KYAT3: variants seen among roughly 807,000 people sequenced by gnomAD.
The protein encoded by KYAT3 is kynurenine aminotransferase 3, also known as kynurenine--oxoglutarate transaminase 3.
In KYAT3, 50 loss-of-function variants were observed where a neutral mutation model predicts 59.0. The observed-to-expected ratio is 0.85, with a 90% CI of 0.68 to 1.07. The LOEUF (loss-of-function observed/expected upper bound fraction) is 1.07. Ranked by LOEUF, KYAT3 falls within the 50% of genes least tolerant of loss-of-function variation. KYAT3 has a pLI of 0.00. For missense variants in KYAT3, 497 were observed against 533.3 expected (o/e 0.93, Z 0.67); for synonymous variants, 148 against 177.0 (o/e 0.84, Z 1.30).
chr1:88,960,532 A>AT (rs1482394726), intron 8 of KYAT3, among the ~76,000 whole-genome samples: 1 of 152,208 alleles, frequency 6.6e-6, no homozygotes, highest in East Asian at 1.9e-4. Flanking sequence ...TGTGATGGTC[A>AT]TGAAAACTGA....
At chr1:88,968,646 C>G (rs1445012674) in intron 4 of KYAT3, 24 bp downstream of exon 4, 1 of 1,526,030 alleles carries the variant, frequency 6.6e-7, no homozygotes, top group Non-Finnish European at 8.8e-7. Context: ...AAGCTCATGG[C>G]CCATATGGTC....
rs1421558085 is a variant in KYAT3, at chr1:88,988,284, A to G, written c.67T>C (p.Ser23Pro). The change falls in exon 2 of 14, where the codon TCT becomes CCT. Residue 23 changes from serine (S) to proline (P), a missense_variant. Coordinates refer to ENST00000260508, the MANE Select transcript of KYAT3 (RefSeq NM_001008661.3). ...GTAGAGAATCCGAGGATTTTGGAAG[A>G]AGAAATTGTCTTCAGGAATTTTGCT... is the stretch of plus-strand genomic sequence containing the variant. ...GRAKFLKTIS[S>P]SKILGFSTSA... The G allele has an allele frequency of 1.2e-6, 2 of 1,613,618 alleles. No homozygotes were observed. Among genetic ancestry groups the G allele is most frequent in the African/African-American group, 1.3e-5 (1 of 74,934 alleles).
chr1:88,940,033 T>C (rs1675178484), intron 13 of KYAT3, among the ~76,000 whole-genome samples: 1 of 152,126 alleles, frequency 6.6e-6, no homozygotes, highest in African/African-American at 2.4e-5. Context: ...CTGTCCTATA[T>C]AGATTCACAG....
intron 10 of KYAT3, 145 bp from the exon 11 acceptor site, chr1:88,949,422 C>T (rs1485358919): frequency 7.2e-6 from 4 of 552,932 alleles, no homozygotes; most frequent in Non-Finnish European, 1.2e-5. Flanking sequence ...TTCCTGTGAA[C>T]CTATATTAAA....
downstream of KYAT3, among the ~76,000 whole-genome samples, chr1:88,934,737 GGAGT>G (rs1451541975): frequency 1.3e-5 from 2 of 152,142 alleles, no homozygotes; most frequent in African/African-American, 4.8e-5. Flanking sequence ...GATGAGAAAG[GGAGT>G]GAAGATTTAA....
chr1:88,979,227 AC>A (rs1676951270), intron 2 of KYAT3, among the ~76,000 whole-genome samples: 1 of 152,128 alleles, frequency 6.6e-6, no homozygotes, highest in Non-Finnish European at 1.5e-5. Flanking sequence ...CTCCATTTGT[AC>A]CCATTATCTC....
At chr1:88,931,288 T>C (rs1674902114), downstream of KYAT3, among the ~76,000 whole-genome samples, 1 of 152,202 alleles carries the variant, frequency 6.6e-6, no homozygotes, top group South Asian at 2.1e-4. Context: ...AATCCCTCTA[T>C]CTTTAACCTC....
In KYAT3 at chr1:88,935,847, C is replaced by T. The variant is rs917393442; in HGVS notation, c.*336G>A. The stretch of plus-strand genomic sequence containing the variant: ...CATTAGTCCATTTAATTCTCAGAAA[C>T]GACCTTCATATGAAACAGGTACTGA... On this transcript the variant is annotated 3_prime_UTR_variant, in exon 14 of 14. Transcript: ENST00000260508. 6 of 407,000 alleles carry T rather than the reference C, an allele frequency of 1.5e-5. No individual in the cohort carries two copies. The highest frequency in any genetic ancestry group is 2.2e-5 in the Non-Finnish European group (5 of 230,394). The allele number at this position is 407,000 out of a possible 1,614,324, so 25.2% of individuals were successfully genotyped here. A position where few individuals can be genotyped will look rare whatever the true frequency, so the allele number is the denominator to read the frequency against.
chr1:88,931,206 T>A (rs571535124), downstream of KYAT3, among the ~76,000 whole-genome samples: 1 of 152,324 alleles, frequency 6.6e-6, no homozygotes, highest in Non-Finnish European at 1.5e-5. Context: ...TTTTCAAAAC[T>A]ATCAAGCAGA....
intron 11 of KYAT3, among the ~76,000 whole-genome samples, chr1:88,947,335 AC>A (rs775684868): frequency 3.9e-5 from 6 of 152,144 alleles, no homozygotes; most frequent in Non-Finnish European, 8.8e-5. Context: ...TCTGTTCCCC[AC>A]CTGCTGGTTG....
In KYAT3 at chr1:88,964,884, C is replaced by T; in HGVS notation, c.398G>A (p.Gly133Glu). 1 of 1,608,888 alleles carries T rather than the reference C, an allele frequency of 6.2e-7. No homozygotes were observed. Among genetic ancestry groups the T allele is most frequent in the Non-Finnish European group, 8.5e-7 (1 of 1,178,080 alleles). Residue 133 changes from glycine (G) to glutamate (E), a missense_variant, in exon 5 of 14, where the codon GGA becomes GAA. Coordinates refer to ENST00000260508, the MANE Select transcript of KYAT3 (RefSeq NM_001008661.3). Reference protein sequence around the residue: ...DSNKEILVTVGAYGSLFNTIQ... With the variant: ...DSNKEILVTVEAYGSLFNTIQ... Reference sequence around the variant, plus strand: ...GGTGTTAAAAAGAGATCCATATGCTCCTACTGTCACAAGGATTTCTTTATT... The same window carrying T: ...GGTGTTAAAAAGAGATCCATATGCTTCTACTGTCACAAGGATTTCTTTATT...
At chr1:88,962,808 T>C (rs1207270438) in intron 5 of KYAT3, among the ~76,000 whole-genome samples, 2 of 152,164 alleles carry the variant, frequency 1.3e-5, no homozygotes, top group African/African-American at 4.8e-5. Context: ...TCTGTGAAGT[T>C]CTCAGGGACT....
chr1:88,956,683 CATAG>C (rs1345190612), intron 8 of KYAT3, among the ~76,000 whole-genome samples: 1 of 152,146 alleles, frequency 6.6e-6, no homozygotes, highest in Non-Finnish European at 1.5e-5. Flanking sequence ...TAGAAGACCA[CATAG>C]GCTGTAGCCA....
chr1:88,943,117 T>C, intron 12 of KYAT3, 26 bp from the exon 13 acceptor site: 1 of 1,501,536 alleles, frequency 6.7e-7, no homozygotes, highest in Non-Finnish European at 9.3e-7. Context: ...AAACATATAA[T>C]AAGAAAACTA....
chr1:88,932,532 T>C (rs865890326), downstream of KYAT3, among the ~76,000 whole-genome samples: 45 of 152,306 alleles, frequency 3.0e-4, no homozygotes, highest in African/African-American at 1.1e-3. Context: ...CTTGCTTTGT[T>C]GCCCAGGCTG....
chr1:88,982,127 G>C lies in KYAT3; in HGVS notation c.99+6125C>G, dbSNP rs12068415. 9.6e-3 allele frequency: 9,393 copies of C among 980,608 alleles called. 352 individuals are homozygous for C. In the African/African-American group the frequency reaches 0.11, roughly 11 times the overall value. 60.7% of individuals were successfully genotyped at this position (980,608 alleles called of 1,614,324 possible). On this transcript the variant is annotated intron_variant, in intron 2 of 13. Coordinates refer to ENST00000260508, the MANE Select transcript of KYAT3 (RefSeq NM_001008661.3). ...CCATTTGCTTTTTTTGGGTTTACTG[G>C]GTGAATAGCACTTTCCTTACATAGG...
rs781647818 is a variant in KYAT3, at chr1:88,983,391, G to C, written c.99+4861C>G. The C allele has an allele frequency of 2.2e-5, 36 of 1,614,062 alleles. 1 individual carries two copies. In the South Asian group the frequency reaches 3.8e-4, roughly 17 times the overall value. The stretch of plus-strand genomic sequence containing the variant: ...GGTGGTCCTCTTTTTACTGGGAGTG[G>C]TCCCCTGGAAGAACTCATGTTAAAA... On this transcript the variant is annotated intron_variant, in intron 2 of 13. Transcript: ENST00000260508.
At chr1:88,965,123 C>T in intron 4 of KYAT3, 145 bp from the exon 5 acceptor site, 1 of 609,618 alleles carries the variant, frequency 1.6e-6, no homozygotes, top group Non-Finnish European at 2.7e-6. Context: ...TTTTTAATGG[C>T]AATAAATTTT....
Position 88,949,076 on chromosome 1 carries a change from A to C in KYAT3, c.1141+15T>G, listed in dbSNP as rs753943028. ...AAGTTTCCGTATAGTTGAAATAATAAAAGCCTTTACAAACCTAGCAAAGAC... is the reference window on the plus strand; with the variant it reads ...AAGTTTCCGTATAGTTGAAATAATACAAGCCTTTACAAACCTAGCAAAGAC... On this transcript the variant is annotated intron_variant, in intron 11 of 13. Coordinates refer to ENST00000260508, the MANE Select transcript of KYAT3 (RefSeq NM_001008661.3). 6.6e-7 allele frequency: 1 copy of C among 1,510,896 alleles called. No individual in the cohort carries two copies. The highest frequency in any genetic ancestry group is 1.3e-5 in the South Asian group (1 of 74,676). The allele number at this position is 1,510,896 out of a possible 1,614,324, so 93.6% of individuals were successfully genotyped here.
Sources: allele counts gnomAD v4.1 joint callset (sites outside exome capture counted in the v4.1 genomes callset), GRCh38; gene constraint gnomAD v4.1.1; transcripts MANE v1.5; gene names NCBI Gene and HGNC (gene_info 2026-07-23, HGNC 2026-07-21).